Variants in MAML3 observed in about 807,000 individuals in gnomAD.
The protein encoded by MAML3 is mastermind-like protein 3.
MAML3 carries 27 observed loss-of-function variants against 101.9 expected under a neutral mutation model. The ratio of observed to expected loss-of-function variants is 0.27; its 90% CI spans 0.20 to 0.37. The LOEUF is 0.37. Ranked by LOEUF, MAML3 falls within the 10% of genes least tolerant of loss-of-function variation. MAML3 has a pLI of 1.00. For synonymous variants in MAML3, 501 were observed against 555.9 expected, an observed-to-expected ratio of 0.90 and a Z score of 1.39; for missense variants, 1,316 against 1,444.9, an observed-to-expected ratio of 0.91 and a Z score of 1.45.
intron 1 of MAML3, among the ~76,000 whole-genome samples, chr4:139,941,701 T>C (rs1052739852): frequency 6.6e-6 from 1 of 152,088 alleles, no homozygotes; most frequent in Non-Finnish European, 1.5e-5. Context: ...GTTTAGGGGG[T>C]TGATACATGC....
intron 1 of MAML3, among the ~76,000 whole-genome samples, chr4:139,896,067 A>C (rs1488274125): frequency 1.3e-5 from 2 of 152,204 alleles, no homozygotes; most frequent in African/African-American, 4.8e-5. Flanking sequence ...ATCCTTTGCT[A>C]TATGGAAAGG....
intron 1 of MAML3, among the ~76,000 whole-genome samples, chr4:140,085,586 T>A (rs1727938515): frequency 6.6e-6 from 1 of 152,130 alleles, no homozygotes; most frequent in African/African-American, 2.4e-5. Flanking sequence ...TATGCAAACC[T>A]CTTAGAAGGG....
intron 1 of MAML3, among the ~76,000 whole-genome samples, chr4:140,083,186 T>A (rs1191350907): frequency 6.6e-6 from 1 of 152,090 alleles, no homozygotes; most frequent in Non-Finnish European, 1.5e-5. Context: ...AAAGCTCAGG[T>A]CTTGTCTGTC....
At chr4:140,081,627 T>C (rs952053714) in intron 1 of MAML3, among the ~76,000 whole-genome samples, 1 of 152,134 alleles carries the variant, frequency 6.6e-6, no homozygotes, top group African/African-American at 2.4e-5. Context: ...ATTTGAGAAA[T>C]TCTGTGAGTA....
intron 1 of MAML3, among the ~76,000 whole-genome samples, chr4:140,078,313 G>C (rs149251143): frequency 6.6e-6 from 1 of 152,256 alleles, no homozygotes; most frequent in Non-Finnish European, 1.5e-5. Flanking sequence ...TACTAAACAG[G>C]AGCCGTACGA....
chr4:140,076,350 G>GA (rs1346687071), intron 1 of MAML3, among the ~76,000 whole-genome samples: 1 of 152,132 alleles, frequency 6.6e-6, no homozygotes, highest in African/African-American at 2.4e-5. Flanking sequence ...CGTTCAAAGT[G>GA]AAAATGCATT....
intron 1 of MAML3, among the ~76,000 whole-genome samples, chr4:139,938,872 A>C (rs894314580): frequency 3.9e-5 from 6 of 152,216 alleles, no homozygotes; most frequent in African/African-American, 1.4e-4. Context: ...AATATACACA[A>C]ACCCAATTAA....
At chr4:140,006,898 C>A (rs1359371211) in intron 1 of MAML3, among the ~76,000 whole-genome samples, 5 of 152,190 alleles carry the variant, frequency 3.3e-5, no homozygotes, top group African/African-American at 7.2e-5. Context: ...CTCATTTAAT[C>A]TTCCCGTCAA....
intron 1 of MAML3, among the ~76,000 whole-genome samples, chr4:140,006,869 A>G (rs937566150): frequency 6.6e-6 from 1 of 152,208 alleles, no homozygotes; most frequent in Admixed American, 6.5e-5. Context: ...CACTAATCCA[A>G]GTACTTTGGA....
At chr4:139,891,180 T>C (rs753127400) in intron 1 of MAML3, among the ~76,000 whole-genome samples, 21 of 152,198 alleles carry the variant, frequency 1.4e-4, no homozygotes, top group Non-Finnish European at 2.8e-4. Context: ...GGCTAAGAGA[T>C]AGAAAACAAA....
intron 2 of MAML3, among the ~76,000 whole-genome samples, chr4:139,848,743 G>A (rs1030768892): frequency 4.6e-5 from 7 of 152,180 alleles, no homozygotes; most frequent in African/African-American, 1.7e-4. Context: ...CTAAGTTTTA[G>A]CTATGAAATA....
At chr4:139,861,499 G>GTGTT (rs1481018508) in intron 2 of MAML3, among the ~76,000 whole-genome samples, 6 of 151,918 alleles carry the variant, frequency 3.9e-5, no homozygotes, top group Non-Finnish European at 5.9e-5. Flanking sequence ...GTGTGTGTGT[G>GTGTT]TGTGTGTGTG....
Position 139,905,104 on chromosome 4 carries a change from T to C in MAML3, c.469-14137A>G, listed in dbSNP as rs111323313. Reference sequence around the variant, plus strand: ...AAGAGCTGTATAGACCTGTGTACCATGGTAAGAAGCTTGGACTTTATCCAG... The same window carrying C: ...AAGAGCTGTATAGACCTGTGTACCACGGTAAGAAGCTTGGACTTTATCCAG... On this transcript the variant is annotated intron_variant, in intron 1 of 4. Transcript: ENST00000509479. 8.9e-4 allele frequency among the ~76,000 whole-genome samples: 135 copies of C among 152,324 alleles called. 1 individual carries two copies. Among genetic ancestry groups the C allele is most frequent in the African/African-American group, 2.6e-3 (109 of 41,580 alleles).
intron 1 of MAML3, among the ~76,000 whole-genome samples, chr4:139,965,206 T>G (rs1285793898): frequency 2.6e-5 from 4 of 152,050 alleles, no homozygotes; most frequent in Non-Finnish European, 5.9e-5. Flanking sequence ...GCTAGTTTTT[T>G]TTTTTTTTTT....
At chr4:139,939,364 A>G (rs1321119887) in intron 1 of MAML3, among the ~76,000 whole-genome samples, 3 of 152,146 alleles carry the variant, frequency 2.0e-5, no homozygotes, top group African/African-American at 7.2e-5. Context: ...CCCATGGCTA[A>G]TAGAGTCTAA....
At chr4:139,736,123 C>T (rs1265913375) in intron 2 of MAML3, among the ~76,000 whole-genome samples, 2 of 151,814 alleles carry the variant, frequency 1.3e-5, no homozygotes, top group East Asian at 3.9e-4. Flanking sequence ...CATACACACA[C>T]ACTCACTCAC....
Position 139,831,919 on chromosome 4 carries a change from A to G in MAML3, c.2079+57438T>C, listed in dbSNP as rs1358278916. On this transcript the variant is annotated intron_variant, in intron 2 of 4. Transcript: ENST00000509479. Reference sequence around the variant, plus strand: ...GCGATTCTCCTGCCTCAGCCTCCCAAGTAGTTGGGATTACAGGCACCCGCC... The same window carrying G: ...GCGATTCTCCTGCCTCAGCCTCCCAGGTAGTTGGGATTACAGGCACCCGCC... Among the ~76,000 whole-genome samples the G allele has an allele frequency of 2.6e-5, 4 of 151,528 alleles. No homozygotes were observed. The East Asian group carries it at 7.8e-4, about 30-fold the overall frequency.
chr4:140,104,833 A>G (rs1417167512), intron 1 of MAML3, among the ~76,000 whole-genome samples: 1 of 151,146 alleles, frequency 6.6e-6, no homozygotes, highest in Non-Finnish European at 1.5e-5. Context: ...AAAAGAATAA[A>G]GGCATCATTA....
intron 1 of MAML3, among the ~76,000 whole-genome samples, chr4:139,972,205 C>T (rs1460654790): frequency 6.6e-6 from 1 of 152,066 alleles, no homozygotes; most frequent in African/African-American, 2.4e-5. Context: ...TTTTCCTGAT[C>T]CTCTCCCTCC....
Sources: gnomAD v4.1 joint callset for allele counts (sites outside exome capture counted in the v4.1 genomes callset) on GRCh38, gnomAD v4.1.1 for gene constraint, MANE v1.5 for transcripts, NCBI Gene and HGNC (gene_info 2026-07-23, HGNC 2026-07-21) for gene names.